Variants in UBE2K observed in about 807,000 individuals in gnomAD.
The protein encoded by UBE2K is ubiquitin-conjugating enzyme E2 K.
In UBE2K, 6 loss-of-function variants were observed where a neutral mutation model predicts 30.0. The observed-to-expected ratio is 0.20, with a 90% CI of 0.11 to 0.39. The LOEUF (loss-of-function observed/expected upper bound fraction) is 0.39, where lower values mean the gene tolerates loss of function less well. Ranked by LOEUF, UBE2K falls within the 10% of genes least tolerant of loss-of-function variation. The pLI is 1.00. For missense variants in UBE2K, 61 were observed against 241.6 expected, an observed-to-expected ratio of 0.25 and a Z score of 4.96; for synonymous variants, 86 against 83.7, an observed-to-expected ratio of 1.03 and a Z score of -0.15.
At chr4:39,732,004 T>A (rs556593534) in intron 1 of UBE2K, among the ~76,000 whole-genome samples, 12 of 152,302 alleles carry the variant, frequency 7.9e-5, no homozygotes, top group Admixed American at 2.6e-4. Context: ...GAGCATTTTT[T>A]AAAAAATAAA....
At chr4:39,765,321 C>T (rs1451669456) in intron 4 of UBE2K, among the ~76,000 whole-genome samples, 1 of 151,642 alleles carries the variant, frequency 6.6e-6, no homozygotes, top group Non-Finnish European at 1.5e-5. Flanking sequence ...CCCAGGAGTT[C>T]AAGACCAGCC....
chr4:39,750,065 G>A (rs1030714869), intron 3 of UBE2K, among the ~76,000 whole-genome samples: 3 of 151,990 alleles, frequency 2.0e-5, no homozygotes, highest in African/African-American at 7.3e-5. Flanking sequence ...GTAGTGGCAC[G>A]TGCCTGTAAT....
At chr4:39,749,960 A>C (rs1289024241) in intron 3 of UBE2K, among the ~76,000 whole-genome samples, 1 of 152,202 alleles carries the variant, frequency 6.6e-6, no homozygotes, top group Non-Finnish European at 1.5e-5. Flanking sequence ...GGACTCTGGG[A>C]GGCCGAGGTG....
In UBE2K at chr4:39,778,695, A is replaced by C; in HGVS notation, c.*261A>C. 3.2e-6 allele frequency: 1 copy of C among 312,884 alleles called. No individual in the cohort carries two copies. The highest frequency in any genetic ancestry group is 5.9e-6 in the Non-Finnish European group (1 of 168,362). The allele number at this position is 312,884 out of a possible 1,614,324, so 19.4% of individuals were successfully genotyped here. On this transcript the variant is annotated 3_prime_UTR_variant, in exon 7 of 7. Coordinates refer to ENST00000261427, the MANE Select transcript of UBE2K (RefSeq NM_005339.5). ...AAATTCCCTGAGCTAAGCTAAAACC[A>C]TGGAAGAAACATGCTACTTTAGTGT...
intron 1 of UBE2K, chr4:39,710,217 C>G (rs1178383878): frequency 1.3e-5 from 2 of 151,414 alleles, no homozygotes; most frequent in Non-Finnish European, 2.9e-5. Flanking sequence ...TGCTTTTACT[C>G]CAAATTTAGA....
chr4:39,732,250 G>A (rs1720115206), intron 1 of UBE2K, among the ~76,000 whole-genome samples: 1 of 152,186 alleles, frequency 6.6e-6, no homozygotes, highest in South Asian at 2.1e-4. Flanking sequence ...GTACAAAGTA[G>A]TTAATTAACT....
chr4:39,721,035 C>T (rs180822212), intron 1 of UBE2K, among the ~76,000 whole-genome samples: 108 of 152,322 alleles, frequency 7.1e-4, no homozygotes, highest in African/African-American at 2.5e-3. Flanking sequence ...GCCTGAGCCC[C>T]TGCCTGGCCA....
At chr4:39,770,898 A>C in intron 4 of UBE2K, 1 of 1,535,856 alleles carries the variant, frequency 6.5e-7, no homozygotes. Context: ...CTCCAGCTTC[A>C]CTGGCCGCAG....
In UBE2K at chr4:39,718,287, T is replaced by C. The variant is rs975880679; in HGVS notation, c.64-19133T>C. ...CTCTAGATTAGCTAGATACAGAGTG[T>C]CGATTGCTGTATTTACAAACCCTGA... On this transcript the variant is annotated intron_variant, in intron 1 of 6. Transcript: ENST00000261427. Among the ~76,000 whole-genome samples, 5 of 152,318 alleles carry C rather than the reference T, an allele frequency of 3.3e-5. No homozygotes were observed. The Middle Eastern group carries it at 0.014, about 414-fold the overall frequency.
intron 1 of UBE2K, among the ~76,000 whole-genome samples, chr4:39,702,056 C>T (rs988881507): frequency 6.6e-6 from 1 of 151,860 alleles, no homozygotes; most frequent in Admixed American, 6.6e-5. Context: ...CCACCACACC[C>T]AGCCAGATTT....
intron 4 of UBE2K, among the ~76,000 whole-genome samples, chr4:39,773,686 C>T (rs915675199): frequency 6.6e-6 from 1 of 152,026 alleles, no homozygotes; most frequent in Non-Finnish European, 1.5e-5. Context: ...CTTTGGGAGG[C>T]CGAGGCGGGC....
At chr4:39,734,573 G>A (rs956003566) in intron 1 of UBE2K, among the ~76,000 whole-genome samples, 3 of 152,106 alleles carry the variant, frequency 2.0e-5, no homozygotes, top group African/African-American at 7.2e-5. Context: ...CAAGGCAGGA[G>A]GCCAAAGGTG....
At chr4:39,707,681 C>T (rs1375267604) in intron 1 of UBE2K, among the ~76,000 whole-genome samples, 1 of 151,560 alleles carries the variant, frequency 6.6e-6, no homozygotes, top group Non-Finnish European at 1.5e-5. Flanking sequence ...GCCACCACAC[C>T]TGGCTAATTT....
At chr4:39,734,478 GAAAA>G (rs1258213613) in intron 1 of UBE2K, among the ~76,000 whole-genome samples, 1 of 151,846 alleles carries the variant, frequency 6.6e-6, no homozygotes, top group Non-Finnish European at 1.5e-5. Context: ...TCTATAGAGT[GAAAA>G]AAAGAGCAAT....
chr4:39,712,645 C>G, intron 1 of UBE2K, among the ~76,000 whole-genome samples: 1 of 152,006 alleles, frequency 6.6e-6, no homozygotes, highest in Non-Finnish European at 1.5e-5. Context: ...TGGTCTTGAA[C>G]TCTTGACCTT....
intron 2 of UBE2K, among the ~76,000 whole-genome samples, chr4:39,743,120 G>C (rs758373645): frequency 1.3e-5 from 2 of 151,928 alleles, no homozygotes; most frequent in African/African-American, 4.8e-5. Context: ...TTTTTCCTCA[G>C]ATTCATAGTC....
rs1712317382 is a variant in UBE2K at position 39,766,128 on chromosome 4, C to T, written c.300-8706C>T. Among the ~76,000 whole-genome samples, 3 of 152,174 alleles carry T rather than the reference C, an allele frequency of 2.0e-5. No homozygotes were observed. In the South Asian group the frequency reaches 6.2e-4, roughly 32 times the overall value. ...GGATGTATACCCATAAGTGGAATCA[C>T]TGGATTATATAGTAACTCTGTGTTT... On this transcript the variant is annotated intron_variant, in intron 4 of 6. Coordinates refer to ENST00000261427, the MANE Select transcript of UBE2K (RefSeq NM_005339.5).
In UBE2K at chr4:39,698,153, G is replaced by T; in HGVS notation, c.-175G>T. On this transcript the variant is annotated 5_prime_UTR_variant, in exon 1 of 7. Transcript: ENST00000261427. ...GACCCGGCGCCATTTTGGTGGCCGG[G>T]CGCGGAGGTGATTCCACACTGAGGC... The T allele has an allele frequency of 4.5e-6, 3 of 671,188 alleles. No homozygotes were observed. The highest frequency in any genetic ancestry group is 3.4e-5 in the South Asian group (2 of 58,328). The allele number at this position is 671,188 out of a possible 1,614,324, so 41.6% of individuals were successfully genotyped here.
At chr4:39,743,635 C>T (rs532297438) in intron 2 of UBE2K, among the ~76,000 whole-genome samples, 4 of 152,120 alleles carry the variant, frequency 2.6e-5, no homozygotes, top group Non-Finnish European at 4.4e-5. Flanking sequence ...AATGAAACCT[C>T]TTCAGCCAGC....
Sources: allele counts gnomAD v4.1 joint callset (sites outside exome capture counted in the v4.1 genomes callset), GRCh38; gene constraint gnomAD v4.1.1; transcripts MANE v1.5; gene names NCBI Gene and HGNC (gene_info 2026-07-23, HGNC 2026-07-21).